The following SMPD3 variants were observed in gnomAD, a reference collection of about 807,000 sequenced individuals.
SMPD3 encodes the protein nSMase-2.
Under a neutral mutation model 55.7 loss-of-function variants are expected in SMPD3, and 21 were observed. That is an observed-to-expected ratio of 0.38 (90% CI 0.27 to 0.54). The LOEUF is 0.54. Ranked by LOEUF, SMPD3 falls within the 20% of genes least tolerant of loss-of-function variation. The pLI, the probability that SMPD3 is intolerant of heterozygous loss-of-function variation, is 0.80. For synonymous variants in SMPD3, 457 were observed against 404.3 expected, an observed-to-expected ratio of 1.13 and a Z score of -1.56; for missense variants, 842 against 899.6, an observed-to-expected ratio of 0.94 and a Z score of 0.82.
At chr16:68,398,696 A>C (rs57136128) in intron 1 of SMPD3, among the ~76,000 whole-genome samples, 39 of 152,368 alleles carry the variant, frequency 2.6e-4, no homozygotes, top group African/African-American at 8.9e-4. Flanking sequence ...CATTAGTTAC[A>C]TTAAAATTGG....
intron 1 of SMPD3, among the ~76,000 whole-genome samples, chr16:68,439,281 G>A (rs1328672390): frequency 6.6e-6 from 1 of 152,084 alleles, no homozygotes; most frequent in East Asian, 1.9e-4. Flanking sequence ...GACTCCTGTG[G>A]TTACTCCAGC....
At chr16:68,397,510 TTGTTCTCCATACAGAAGCCAGAG>T (rs1267862162) in intron 1 of SMPD3, among the ~76,000 whole-genome samples, 3 of 152,270 alleles carry the variant, frequency 2.0e-5, no homozygotes, top group African/African-American at 7.2e-5. Context: ...CGCCCTCCAT[TTGTTCTCCATACAGAAGCCAGAG>T]TGATCTTTCT....
intron 1 of SMPD3, among the ~76,000 whole-genome samples, chr16:68,389,190 G>C (rs890142246): frequency 1.3e-5 from 2 of 152,236 alleles, no homozygotes; most frequent in Non-Finnish European, 2.9e-5. Context: ...GAGCAGAGCA[G>C]GGAGGGCCTG....
At chr16:68,420,172 A>T (rs1402865631) in intron 1 of SMPD3, among the ~76,000 whole-genome samples, 2 of 151,986 alleles carry the variant, frequency 1.3e-5, no homozygotes, top group East Asian at 3.9e-4. Flanking sequence ...CGAACTCCTG[A>T]CCTCAGGTGA....
At chr16:68,391,778 A>G (rs2090112835) in intron 1 of SMPD3, among the ~76,000 whole-genome samples, 1 of 152,246 alleles carries the variant, frequency 6.6e-6, no homozygotes, top group Non-Finnish European at 1.5e-5. Flanking sequence ...TGTCCCCAAC[A>G]AATTTATATG....
chr16:68,439,396 C>T (rs1196477178), intron 1 of SMPD3, among the ~76,000 whole-genome samples: 2 of 152,218 alleles, frequency 1.3e-5, no homozygotes, highest in African/African-American at 4.8e-5. Context: ...TCTAGCTATC[C>T]ATCATTTGGC....
intron 1 of SMPD3, among the ~76,000 whole-genome samples, chr16:68,435,193 G>T (rs2090512992): frequency 6.6e-6 from 1 of 152,238 alleles, no homozygotes; most frequent in Non-Finnish European, 1.5e-5. Flanking sequence ...GGGTTCTAGG[G>T]CTGAGGGACC....
At position 68,371,194 on chromosome 16, in the gene SMPD3, C is replaced by A; in HGVS notation, c.988G>T (p.Val330Leu). The A allele has an allele frequency of 6.2e-7, 1 of 1,612,046 alleles. No homozygotes were observed. Among genetic ancestry groups the A allele is most frequent in the Non-Finnish European group, 8.5e-7 (1 of 1,179,560 alleles). The stretch of plus-strand genomic sequence containing the variant: ...CTCCTGCGTGCAGCCGCCTTCTTCA[C>A]CACCGAGGCCTTGTACAGGAGCTTG... ...NSKLLYKASV[V>L]KKAAARRRRH... Residue 330 changes from valine (V) to leucine (L), a missense_variant, in exon 3 of 9, where the codon GTG (valine) becomes TTG (leucine). Physicochemically the swap from Val to Leu is conservative, Grantham distance 32. Transcript: ENST00000219334.
At position 68,442,152 on chromosome 16, in the gene SMPD3, G is replaced by A. The variant is rs995932023; in HGVS notation, c.-269+6201C>T. 2.0e-5 allele frequency among the ~76,000 whole-genome samples: 3 copies of A among 152,172 alleles called. No homozygotes were observed. The East Asian group carries it at 5.8e-4, about 29-fold the overall frequency. ...AAATGTATCCTTTGGGTAATTAAAT[G>A]AACAGAGCAACAGTTTAGGACAGTG... On this transcript the variant is annotated intron_variant, in intron 1 of 8. Coordinates refer to ENST00000219334, the MANE Select transcript of SMPD3 (RefSeq NM_018667.4).
intron 1 of SMPD3, among the ~76,000 whole-genome samples, chr16:68,434,302 G>A (rs1367497652): frequency 2.0e-5 from 3 of 152,104 alleles, no homozygotes; most frequent in Admixed American, 6.6e-5. Context: ...TATTTCTAAC[G>A]GTAACAAATT....
chr16:68,425,775 G>A lies in SMPD3; in HGVS notation c.-269+22578C>T, dbSNP rs2090431810. ...CTCGGGCCAGCCCAGGCTGGGGCTG[G>A]GTGGTGGGGATCTGGAGAACAAGCA... On this transcript the variant is annotated intron_variant, in intron 1 of 8. Transcript: ENST00000219334. 2.0e-5 allele frequency among the ~76,000 whole-genome samples: 3 copies of A among 152,296 alleles called. No homozygotes were observed. The South Asian group carries it at 6.2e-4, about 32-fold the overall frequency.
At chr16:68,433,107 GT>G (rs1393023384) in intron 1 of SMPD3, among the ~76,000 whole-genome samples, 1 of 152,164 alleles carries the variant, frequency 6.6e-6, no homozygotes, top group Non-Finnish European at 1.5e-5. Context: ...CCCGGCTGTT[GT>G]TTTTCTGGAT....
chr16:68,438,595 A>G (rs1039129029), intron 1 of SMPD3, among the ~76,000 whole-genome samples: 2 of 152,106 alleles, frequency 1.3e-5, no homozygotes, highest in Non-Finnish European at 2.9e-5. Context: ...CTTTCCAAAC[A>G]TCTATTTCAT....
chr16:68,443,853 A>C (rs1469322769), intron 1 of SMPD3, among the ~76,000 whole-genome samples: 2 of 152,208 alleles, frequency 1.3e-5, no homozygotes, highest in Non-Finnish European at 2.9e-5. Context: ...AGTGGTAAGG[A>C]GGAACTTCCA....
chr16:68,437,856 C>A (rs999422153), intron 1 of SMPD3, among the ~76,000 whole-genome samples: 1 of 152,198 alleles, frequency 6.6e-6, no homozygotes, highest in Non-Finnish European at 1.5e-5. Context: ...TTCCTTCTAA[C>A]CAGCCTAAGG....
chr16:68,445,813 AG>A (rs1183252764), intron 1 of SMPD3, among the ~76,000 whole-genome samples: 1 of 152,200 alleles, frequency 6.6e-6, no homozygotes, highest in African/African-American at 2.4e-5. Context: ...ATTATCTCAA[AG>A]CTGCACAGTA....
intron 1 of SMPD3, among the ~76,000 whole-genome samples, chr16:68,405,077 G>A (rs2090242307): frequency 6.6e-6 from 1 of 152,182 alleles, no homozygotes; most frequent in Non-Finnish European, 1.5e-5. Context: ...AGGACCTATA[G>A]CTTTTGGGAC....
chr16:68,384,595 G>T (rs1293349540), intron 2 of SMPD3, among the ~76,000 whole-genome samples: 2 of 152,170 alleles, frequency 1.3e-5, no homozygotes, highest in Non-Finnish European at 2.9e-5. Flanking sequence ...GACTCTGTGG[G>T]TTGTCTCTGC....
In SMPD3 at chr16:68,371,554, C is replaced by G. The variant is rs748652062; in HGVS notation, c.628G>C (p.Val210Leu). 116 of 1,597,074 alleles carry G rather than the reference C, an allele frequency of 7.3e-5. No homozygotes were observed. Among genetic ancestry groups the G allele is most frequent in the Non-Finnish European group, 9.3e-5 (109 of 1,175,434 alleles). ...VPGSIKRTAS[V>L]EYKGDGGRHP... is the part of the protein sequence containing the mutation. Reference sequence around the variant, plus strand: ...CGCCCACCGTCACCCTTGTACTCCACAGAGGCTGTCCTCTTAATGCTCCCG... The same window carrying G: ...CGCCCACCGTCACCCTTGTACTCCAGAGAGGCTGTCCTCTTAATGCTCCCG... Residue 210 changes from valine to leucine, a missense_variant, in exon 3 of 9, where the codon GTG (valine) becomes CTG (leucine). Coordinates refer to ENST00000219334, the MANE Select transcript of SMPD3 (RefSeq NM_018667.4).
Sources: gnomAD v4.1 joint callset for allele counts (sites outside exome capture counted in the v4.1 genomes callset) on GRCh38, gnomAD v4.1.1 for gene constraint, MANE v1.5 for transcripts, NCBI Gene and HGNC (gene_info 2026-07-23, HGNC 2026-07-21) for gene names.